RBFOX1: variants seen among roughly 807,000 people sequenced by gnomAD.
RBFOX1 encodes RNA binding protein fox-1 homolog 1.
A neutral mutation model predicts 57.7 loss-of-function variants in RBFOX1; 8 were observed. That is an observed-to-expected ratio of 0.14 (90% CI 0.08 to 0.25). The LOEUF (loss-of-function observed/expected upper bound fraction) is 0.25, where lower values mean the gene tolerates loss of function less well. Ranked by LOEUF, RBFOX1 falls within the 10% of genes least tolerant of loss-of-function variation. The probability of loss-of-function intolerance (pLI) is 1.00; values close to 1 mark genes in which losing one functional copy is unlikely to be tolerated. For synonymous variants in RBFOX1, 326 were observed against 222.4 expected (o/e 1.47, Z -4.15); for missense variants, 611 against 548.5 (o/e 1.11, Z -1.14).
In RBFOX1 at chr16:6,211,820, T is replaced by TTTTTTTTA. The variant is rs768227696; in HGVS notation, c.-126-105172_-126-105171insTTTTATTT. 1.4e-3 allele frequency among the ~76,000 whole-genome samples: 202 copies of TTTTTTTTA among 140,874 alleles called. 1 individual carries two copies. Among genetic ancestry groups the TTTTTTTTA allele is most frequent in the African/African-American group, 5.3e-3 (187 of 35,142 alleles). 92.4% of individuals were successfully genotyped at this position (140,874 alleles called of 152,430 possible). On this transcript the variant is annotated intron_variant, in intron 1 of 15. Coordinates refer to ENST00000550418, the MANE Select transcript of RBFOX1 (RefSeq NM_018723.4). ...TTCCATCCACTTAAAGGAATACATCTTTTATTTATTTATTTATTTATTTAT... is the reference window on the plus strand; with the variant it reads ...TTCCATCCACTTAAAGGAATACATCTTTTTTTTATTTATTTATTTATTTATTTATTTAT...
intron 2 of RBFOX1, among the ~76,000 whole-genome samples, chr16:5,472,936 C>T (rs1483568686): frequency 1.3e-5 from 2 of 152,234 alleles, no homozygotes; most frequent in South Asian, 2.1e-4. Flanking sequence ...GCTCAAAGTC[C>T]CAAGGCTTCC....
At position 7,346,133 on chromosome 16, in the gene RBFOX1, C is replaced by T. The variant is rs575157891; in HGVS notation, c.28-172014C>T. 9.2e-5 allele frequency among the ~76,000 whole-genome samples: 14 copies of T among 152,242 alleles called. No homozygotes were observed. In the South Asian group the frequency reaches 1.7e-3, roughly 18 times the overall value. On this transcript the variant is annotated intron_variant, in intron 4 of 15. Coordinates refer to ENST00000550418, the MANE Select transcript of RBFOX1 (RefSeq NM_018723.4). ...GAGAATGATGGTTTCTAGCTTCATC[C>T]GTGTCCCTACAAAGGACATGAACTC... is the stretch of plus-strand genomic sequence containing the variant.
chr16:7,036,728 A>C (rs1009753713), intron 3 of RBFOX1, among the ~76,000 whole-genome samples: 1 of 113,324 alleles, frequency 8.8e-6, no homozygotes, highest in Non-Finnish European at 2.2e-5. Context: ...ACAAAAAACA[A>C]ACAAAGAAAA....
chr16:6,022,032 C>CAGA, intron 1 of RBFOX1, among the ~76,000 whole-genome samples: 2 of 152,234 alleles, frequency 1.3e-5, no homozygotes, highest in East Asian at 3.9e-4. Context: ...AAGTAAGGAA[C>CAGA]AGAAGCCTCA....
intron 1 of RBFOX1, among the ~76,000 whole-genome samples, chr16:6,291,800 T>G (rs2152723251): frequency 6.6e-6 from 1 of 152,340 alleles, no homozygotes; most frequent in East Asian, 1.9e-4. Context: ...GAAAATCATC[T>G]TCTTAGAAAG....
chr16:5,680,390 G>T (rs908848954), intron 3 of RBFOX1, among the ~76,000 whole-genome samples: 39 of 152,268 alleles, frequency 2.6e-4, no homozygotes, highest in Non-Finnish European at 1.5e-4. Flanking sequence ...TCTTTTCACG[G>T]ATATGGATCC....
At chr16:7,311,540 C>T (rs1267166792) in intron 4 of RBFOX1, among the ~76,000 whole-genome samples, 4 of 140,862 alleles carry the variant, frequency 2.8e-5, no homozygotes, top group Non-Finnish European at 6.0e-5. Flanking sequence ...GACTAGATTC[C>T]CCTTATCAAA....
Position 5,788,092 on chromosome 16 carries a change from C to T in RBFOX1, c.319-79211C>T, listed in dbSNP as rs572642633. ...GTGTTGAAAAGATTGTCTGTGAGCC[C>T]TTCTTCCTAGGCGGAGATTCGACTG... On this transcript the variant is annotated intron_variant, in intron 3 of 19. Transcript: ENST00000641259. Among the ~76,000 whole-genome samples the T allele has an allele frequency of 5.9e-5, 9 of 152,264 alleles. No individual in the cohort carries two copies. The East Asian group carries it at 1.5e-3, about 26-fold the overall frequency.
At position 6,984,684 on chromosome 16, in the gene RBFOX1, A is replaced by C. The variant is rs554370092; in HGVS notation, c.-15-67373A>C. On this transcript the variant is annotated intron_variant, in intron 3 of 15. Transcript: ENST00000550418. ...TTTTGAGATGGAGTCTCTGTTGACCAGGCTGGAGTGCAGTGGTGTGATCTC... is the reference window on the plus strand; with the variant it reads ...TTTTGAGATGGAGTCTCTGTTGACCCGGCTGGAGTGCAGTGGTGTGATCTC... 3.3e-5 allele frequency among the ~76,000 whole-genome samples: 5 copies of C among 152,266 alleles called. 1 individual carries two copies. The highest frequency in any genetic ancestry group is 1.2e-4 in the African/African-American group (5 of 41,556).
intron 2 of RBFOX1, among the ~76,000 whole-genome samples, chr16:6,451,509 G>C (rs1203300091): frequency 1.3e-5 from 2 of 152,116 alleles, no homozygotes; most frequent in Non-Finnish European, 2.9e-5. Context: ...ACTTCCACCT[G>C]TCAGCCTCCT....
At chr16:5,347,221 G>A (rs2065159481) in intron 1 of RBFOX1, among the ~76,000 whole-genome samples, 1 of 152,062 alleles carries the variant, frequency 6.6e-6, no homozygotes, top group African/African-American at 2.4e-5. Context: ...ATTATTGCAT[G>A]TCTCTTCTAA....
intron 1 of RBFOX1, among the ~76,000 whole-genome samples, chr16:6,256,193 ATATGTATATGTATATG>A (rs2097662808): frequency 3.7e-5 from 1 of 27,168 alleles, no homozygotes; most frequent in Non-Finnish European, 1.3e-4. Flanking sequence ...ATACGTATAT[ATATGTATATGTATATG>A]TGTATATATA....
intron 1 of RBFOX1, among the ~76,000 whole-genome samples, chr16:6,226,234 A>T (rs1316201030): frequency 4.7e-5 from 7 of 150,522 alleles, no homozygotes; most frequent in African/African-American, 1.7e-4. Context: ...TTAGCTGGGC[A>T]TGGTTGTGGG....
intron 4 of RBFOX1, among the ~76,000 whole-genome samples, chr16:7,123,510 G>A (rs1273646201): frequency 7.9e-5 from 12 of 152,056 alleles, no homozygotes; most frequent in Admixed American, 7.2e-4. Flanking sequence ...GACTACAGGT[G>A]CACCTCAACA....
chr16:7,464,093 C>A (rs898711590), intron 4 of RBFOX1, among the ~76,000 whole-genome samples: 1 of 152,136 alleles, frequency 6.6e-6, no homozygotes. Context: ...TCTTTATGAT[C>A]TGCTTACTTG....
chr16:5,890,506 G>T (rs1331239639), intron 4 of RBFOX1, among the ~76,000 whole-genome samples: 1 of 152,050 alleles, frequency 6.6e-6, no homozygotes, highest in Non-Finnish European at 1.5e-5. Context: ...AGACCAGCCT[G>T]ACCAACATGG....
intron 3 of RBFOX1, among the ~76,000 whole-genome samples, chr16:7,027,081 G>A (rs113902909): frequency 2.0e-5 from 3 of 152,246 alleles, no homozygotes; most frequent in African/African-American, 7.2e-5. Context: ...TGGTAGGAGA[G>A]GGGAGGCTCT....
chr16:7,133,417 A>C (rs922777566), intron 4 of RBFOX1, among the ~76,000 whole-genome samples: 7 of 152,188 alleles, frequency 4.6e-5, no homozygotes, highest in Non-Finnish European at 2.9e-5. Context: ...ATGTTTTTCC[A>C]AAGAGAAGTA....
In RBFOX1 at chr16:6,809,837, G is replaced by A. The variant is rs75583539; in HGVS notation, c.-16+155187G>A. On this transcript the variant is annotated intron_variant, in intron 3 of 15. Coordinates refer to ENST00000550418, the MANE Select transcript of RBFOX1 (RefSeq NM_018723.4). The stretch of plus-strand genomic sequence containing the variant: ...TCCAATTCTCTGGAAGAGTGCTGTC[G>A]TACCAAGTGTAATTCACCAGTCCGG... 5.5e-4 allele frequency among the ~76,000 whole-genome samples: 83 copies of A among 152,214 alleles called. No individual in the cohort carries two copies. The East Asian group carries it at 0.014, about 26-fold the overall frequency.
Sources: gnomAD v4.1 joint callset for allele counts (sites outside exome capture counted in the v4.1 genomes callset) on GRCh38, gnomAD v4.1.1 for gene constraint, MANE v1.5 for transcripts, NCBI Gene and HGNC (gene_info 2026-07-23, HGNC 2026-07-21) for gene names.